The following MEGF11 variants were observed in gnomAD, a reference collection of about 807,000 sequenced individuals.
The protein encoded by MEGF11 is multiple EGF like domains 11, also known as multiple epidermal growth factor-like domains protein 11.
Under a neutral mutation model 146.6 loss-of-function variants are expected in MEGF11, and 126 were observed. The observed-to-expected ratio is 0.86, with a 90% CI of 0.74 to 1.00. The LOEUF is 1.00. Ranked by LOEUF, MEGF11 falls within the 50% of genes least tolerant of loss-of-function variation. The pLI is 0.00. For missense variants in MEGF11, 1,509 were observed against 1,521.2 expected (o/e 0.99, Z 0.13); for synonymous variants, 532 against 583.4 (o/e 0.91, Z 1.27).
At chr15:66,212,226 C>A (rs2091477822) in intron 1 of MEGF11, among the ~76,000 whole-genome samples, 1 of 152,086 alleles carries the variant, frequency 6.6e-6, no homozygotes, top group East Asian at 2.0e-4. Flanking sequence ...TGTCAGGGAG[C>A]AAGTGGCAAT....
At chr15:66,214,685 C>A (rs549910399) in intron 1 of MEGF11, among the ~76,000 whole-genome samples, 19 of 152,214 alleles carry the variant, frequency 1.2e-4, no homozygotes, top group African/African-American at 4.3e-4. Context: ...CACACACCCT[C>A]CTTCTCACTG....
In MEGF11 at chr15:66,253,627, G is replaced by C. The variant is rs1468810232; in HGVS notation, c.-31C>G. 6.6e-6 allele frequency: 1 copy of C among 151,990 alleles called. No homozygotes were observed. Among genetic ancestry groups the C allele is most frequent in the Admixed American group, 6.5e-5 (1 of 15,282 alleles). 9.4% of individuals were successfully genotyped at this position (151,990 alleles called of 1,614,324 possible). ...TACCTGCTCCCGCGGCCGGCCCAGG[G>C]ATCGGCCGGCCAGTCGCGCGGTCCT... On this transcript the variant is annotated 5_prime_UTR_variant, in exon 1 of 26. It adds an upstream start codon to the 5' untranslated region. Coordinates refer to ENST00000395614, the MANE Select transcript of MEGF11 (RefSeq NM_001385028.1).
At chr15:66,045,006 A>C (rs910699599) in intron 5 of MEGF11, among the ~76,000 whole-genome samples, 1 of 152,162 alleles carries the variant, frequency 6.6e-6, no homozygotes, top group Admixed American at 6.5e-5. Context: ...TGGATTATGA[A>C]GCTCAAACAG....
chr15:65,944,518 G>A (rs890793697), intron 10 of MEGF11, among the ~76,000 whole-genome samples: 3 of 152,144 alleles, frequency 2.0e-5, no homozygotes, highest in African/African-American at 7.2e-5. Context: ...AGGGTGATGA[G>A]AGGCAGCAGC....
intron 1 of MEGF11, among the ~76,000 whole-genome samples, chr15:66,246,170 T>C (rs1260001747): frequency 1.3e-5 from 2 of 152,140 alleles, no homozygotes; most frequent in Admixed American, 1.3e-4. Flanking sequence ...GGCACAAGAA[T>C]TGCTTGAACC....
intron 1 of MEGF11, among the ~76,000 whole-genome samples, chr15:66,227,093 T>A (rs1465815465): frequency 6.6e-6 from 1 of 152,166 alleles, no homozygotes; most frequent in Non-Finnish European, 1.5e-5. Flanking sequence ...CTCTGAGGAT[T>A]TCTACAGCCC....
At chr15:66,112,783 G>T (rs1367521442) in intron 4 of MEGF11, among the ~76,000 whole-genome samples, 1 of 152,196 alleles carries the variant, frequency 6.6e-6, no homozygotes, top group Non-Finnish European at 1.5e-5. Flanking sequence ...GGAAGAAAAT[G>T]ACTGAAAGCC....
At position 66,194,464 on chromosome 15, in the gene MEGF11, C is replaced by T. The variant is rs141590484; in HGVS notation, c.-9+59141G>A. Among the ~76,000 whole-genome samples, 142 of 152,134 alleles carry T rather than the reference C, an allele frequency of 9.3e-4. 3 individuals are homozygous for T. Among genetic ancestry groups the T allele is most frequent in the South Asian group, 7.1e-3 (34 of 4,810 alleles). ...TCTCTACTAAAAATATGAAATTATC[C>T]GGGTGTGGTGGCACACACCTCTAGT... On this transcript the variant is annotated intron_variant, in intron 1 of 25. Transcript: ENST00000395614.
chr15:65,953,192 G>A (rs2080465373), intron 10 of MEGF11, among the ~76,000 whole-genome samples: 1 of 152,190 alleles, frequency 6.6e-6, no homozygotes, highest in South Asian at 2.1e-4. Context: ...TTCACCAAGT[G>A]TCTGTTGTAT....
At chr15:65,945,540 G>A (rs1016781578) in intron 10 of MEGF11, among the ~76,000 whole-genome samples, 2 of 152,170 alleles carry the variant, frequency 1.3e-5, no homozygotes, top group East Asian at 1.9e-4. Context: ...ACCTTGCCAC[G>A]CCAGTTTATT....
At chr15:66,110,033 G>C (rs2087309462) in intron 4 of MEGF11, among the ~76,000 whole-genome samples, 1 of 152,084 alleles carries the variant, frequency 6.6e-6, no homozygotes. Flanking sequence ...GGGGTGGCAG[G>C]GCCAAGGGAG....
intron 4 of MEGF11, among the ~76,000 whole-genome samples, chr15:66,096,508 G>A (rs1196734111): frequency 6.7e-6 from 1 of 149,058 alleles, no homozygotes; most frequent in Non-Finnish European, 1.5e-5. Flanking sequence ...GAGAGCCCAA[G>A]GCTGTGGGGA....
At chr15:66,148,439 C>G (rs548320314) in intron 1 of MEGF11, among the ~76,000 whole-genome samples, 2 of 152,234 alleles carry the variant, frequency 1.3e-5, no homozygotes, top group East Asian at 3.9e-4. Flanking sequence ...AGTCAGCACT[C>G]TCCCACTGGC....
chr15:66,163,687 G>T (rs2090016301), intron 1 of MEGF11, among the ~76,000 whole-genome samples: 1 of 152,192 alleles, frequency 6.6e-6, no homozygotes, highest in Non-Finnish European at 1.5e-5. Flanking sequence ...TGCCACCCCT[G>T]AGGATTTACA....
chr15:66,022,344 C>T (rs2083174850), intron 5 of MEGF11, among the ~76,000 whole-genome samples: 1 of 152,242 alleles, frequency 6.6e-6, no homozygotes, highest in Admixed American at 6.5e-5. Context: ...TGGTCATGCC[C>T]AATGGCCTCA....
At chr15:65,946,752 A>G (rs2080209359) in intron 10 of MEGF11, among the ~76,000 whole-genome samples, 1 of 152,184 alleles carries the variant, frequency 6.6e-6, no homozygotes, top group African/African-American at 2.4e-5. Context: ...TGGAGGTCAA[A>G]TACAGTACTG....
chr15:66,242,308 T>C (rs7182525), intron 1 of MEGF11, among the ~76,000 whole-genome samples: 23,636 of 149,248 alleles, frequency 0.16, 2,919 homozygotes, highest in African/African-American at 0.34. Flanking sequence ...ACTTGGGAGG[T>C]TGAGGCCAAA....
In MEGF11 at chr15:66,087,576, T is replaced by C. The variant is rs140917694; in HGVS notation, c.394+6826A>G. ...TAAATAACCTGCTCCTGAATGAGCA[T>C]TGGGTCAAAAATGAAATCAAGATGG... is the stretch of plus-strand genomic sequence containing the variant. On this transcript the variant is annotated intron_variant, in intron 5 of 25. Transcript: ENST00000395614. Among the ~76,000 whole-genome samples the C allele has an allele frequency of 2.3e-4, 35 of 152,250 alleles. No individual in the cohort carries two copies. The East Asian group carries it at 5.0e-3, about 22-fold the overall frequency.
At chr15:66,212,823 G>C (rs1269633982) in intron 1 of MEGF11, among the ~76,000 whole-genome samples, 3 of 152,228 alleles carry the variant, frequency 2.0e-5, no homozygotes, top group Non-Finnish European at 4.4e-5. Context: ...AGCACCAGCA[G>C]TTGGGACTCA....
Sources: allele counts gnomAD v4.1 joint callset (sites outside exome capture counted in the v4.1 genomes callset), GRCh38; gene constraint gnomAD v4.1.1; transcripts MANE v1.5; gene names NCBI Gene and HGNC (gene_info 2026-07-23, HGNC 2026-07-21).